BCOR: variants seen among roughly 807,000 people sequenced by gnomAD.
The protein encoded by BCOR is BCL-6 corepressor.
Under a neutral mutation model 86.7 loss-of-function variants are expected in BCOR, and 10 were observed. That is an observed-to-expected ratio of 0.12 (90% CI 0.07 to 0.20). The LOEUF is 0.20. BCOR is among the 10% of genes least tolerant of loss of function. BCOR has a pLI of 1.00. For synonymous variants in BCOR, 611 were observed against 609.0 expected, an observed-to-expected ratio of 1.00 and a Z score of -0.05; for missense variants, 1,259 against 1,452.1, an observed-to-expected ratio of 0.87 and a Z score of 2.16.
Position 40,097,452 on chromosome X carries a change from GCT to G in BCOR, c.-280_-279del, listed in dbSNP as rs1263071054. 2 of 105,436 alleles carry G rather than the reference GCT, an allele frequency of 1.9e-5. No individual in the cohort carries two copies. Among genetic ancestry groups the G allele is most frequent in the African/African-American group, 6.9e-5 (2 of 28,930 alleles). The allele number at this position is 105,436 out of a possible 1,213,427, so 8.7% of individuals were successfully genotyped here. On this transcript the variant is annotated 5_prime_UTR_variant, in exon 1 of 15. Coordinates refer to ENST00000378444, the MANE Select transcript of BCOR (RefSeq NM_001123385.2). ...GCCCGCAGCCCGCTCGCGGCGCCGC[GCT>G]CACTCGACTCCCTCGCCGTCTGCTG... is the stretch of plus-strand genomic sequence containing the variant.
At chrX:40,146,094 C>T (rs1455407943) in intron 1 of BCOR, among the ~76,000 whole-genome samples, 2 of 112,501 alleles carry the variant, frequency 1.8e-5, no homozygotes, top group African/African-American at 6.5e-5. Context: ...CGTCGCCCTT[C>T]CTCTTCCCCT....
intron 10 of BCOR, among the ~76,000 whole-genome samples, chrX:40,058,668 C>A (rs1934718873): frequency 8.9e-6 from 1 of 111,861 alleles, no homozygotes. Context: ...GTAACCCTGG[C>A]CGGTAACCCT....
At chrX:40,175,858 T>C (rs1224574445) in intron 1 of BCOR, among the ~76,000 whole-genome samples, 2 of 112,967 alleles carry the variant, frequency 1.8e-5, no homozygotes, top group Non-Finnish European at 3.8e-5. Flanking sequence ...GCAAGAAGAC[T>C]GTTCCGCGCC....
intron 1 of BCOR, among the ~76,000 whole-genome samples, chrX:40,111,108 C>T (rs887040174): frequency 1.8e-5 from 2 of 111,555 alleles, no homozygotes; most frequent in Non-Finnish European, 3.8e-5. Context: ...AGTGTCTGTC[C>T]ATCCATCCTG....
chrX:40,062,227 C>T lies in BCOR; in HGVS notation c.4340G>A (p.Arg1447His), dbSNP rs1602121659. ...SSSPQETTQS[R>H]PMPPEARRLI... ...TCTCCGTGCTTCCGGCGGCATAGGGCGAGACTGGGTGGTCTCCTGAGGGGA... is the reference window on the plus strand; with the variant it reads ...TCTCCGTGCTTCCGGCGGCATAGGGTGAGACTGGGTGGTCTCCTGAGGGGA... Residue 1447 changes from arginine to histidine, a missense_variant, in exon 10 of 15, where the codon CGC becomes CAC. Arg to His is a conservative substitution (Grantham distance 29). This residue lies in a region of BCOR where 47 missense variants were observed against 102.1 expected (regional missense o/e 0.46). Coordinates refer to ENST00000378444, the MANE Select transcript of BCOR (RefSeq NM_001123385.2). 8.3e-7 allele frequency: 1 copy of T among 1,210,461 alleles called. No homozygotes were observed. Among genetic ancestry groups the T allele is most frequent in the African/African-American group, 1.7e-5 (1 of 57,699 alleles).
chrX:40,079,716 G>A lies in BCOR; in HGVS notation c.-40-1747C>T, dbSNP rs777075171. Reference sequence around the variant, plus strand: ...TTGACTAGCCACAGCGCCCCCAAAGGACCGACTCGGCTGTTGGGGAAGGTT... The same window carrying A: ...TTGACTAGCCACAGCGCCCCCAAAGAACCGACTCGGCTGTTGGGGAAGGTT... On this transcript the variant is annotated intron_variant, in intron 1 of 14. Transcript: ENST00000378444. Among the ~76,000 whole-genome samples, 120 of 111,370 alleles carry A rather than the reference G, an allele frequency of 1.1e-3. 1 individual carries two copies. The highest frequency in any genetic ancestry group is 2.1e-3 in the Non-Finnish European group (113 of 53,115).
At position 40,066,069 on chromosome X, in the gene BCOR, A is replaced by G. The variant is rs1022220645; in HGVS notation, c.3239-1470T>C. 6.3e-5 allele frequency among the ~76,000 whole-genome samples: 7 copies of G among 110,813 alleles called. No homozygotes were observed. The South Asian group carries it at 1.2e-3, about 18-fold the overall frequency. On this transcript the variant is annotated intron_variant, in intron 6 of 14. Transcript: ENST00000378444. ...GATGGGGCTGCATCTATTCTTGCAA[A>G]GGAATGGTAGAATCTCCCCAACCGT...
chrX:40,073,966 C>T lies in BCOR; in HGVS notation c.1380G>A (p.Lys460=). Residue 460 remains lysine, a synonymous_variant, in exon 4 of 15, where the codon AAG becomes AAA. Coordinates refer to ENST00000378444, the MANE Select transcript of BCOR (RefSeq NM_001123385.2). ...TGTGAACCAGGACCGTGGGAGCCAT[C>T]TTTTTCATGTGGTCAGCTTTGGAAG... ...VDASKADHMK[K]MAPTVLVHSR... is the part of the protein sequence containing the mutation. 4 of 1,212,404 alleles carry T rather than the reference C, an allele frequency of 3.3e-6. No homozygotes were observed. The highest frequency in any genetic ancestry group is 4.5e-6 in the Non-Finnish European group (4 of 895,670).
chrX:40,090,068 T>G (rs1936532119), intron 1 of BCOR, among the ~76,000 whole-genome samples: 2 of 112,341 alleles, frequency 1.8e-5, no homozygotes, highest in South Asian at 7.4e-4. Context: ...GCCCCAGGCT[T>G]TCAGATGTTC....
chrX:40,172,442 A>C (rs1938646333), intron 1 of BCOR, among the ~76,000 whole-genome samples: 1 of 112,590 alleles, frequency 8.9e-6, no homozygotes, highest in East Asian at 2.8e-4. Context: ...CCCGACCCGG[A>C]CTCTTCCCTG....
intron 1 of BCOR, among the ~76,000 whole-genome samples, chrX:40,174,026 G>A (rs1394510276): frequency 1.8e-5 from 2 of 113,138 alleles, no homozygotes; most frequent in East Asian, 5.6e-4. Context: ...GGCAAAAAGG[G>A]GAGGAGTTGC....
At chrX:40,123,514 G>A (rs1018403989) in intron 1 of BCOR, among the ~76,000 whole-genome samples, 11 of 110,631 alleles carry the variant, frequency 9.9e-5, no homozygotes, top group Non-Finnish European at 1.7e-4. Flanking sequence ...CACCATGCCC[G>A]GCTAAGTTTT....
chrX:40,090,185 A>G (rs994012364), intron 1 of BCOR, among the ~76,000 whole-genome samples: 29 of 112,276 alleles, frequency 2.6e-4, no homozygotes, highest in African/African-American at 9.4e-4. Context: ...TGGACTGGTT[A>G]CTCCTCCAGA....
At chrX:40,105,300 G>A (rs1937155267) in intron 1 of BCOR, among the ~76,000 whole-genome samples, 1 of 111,291 alleles carries the variant, frequency 9.0e-6, no homozygotes, top group Admixed American at 9.3e-5. Context: ...CCGCGCGGCG[G>A]CAGCAGCCAG....
intron 1 of BCOR, among the ~76,000 whole-genome samples, chrX:40,147,750 G>C (rs1273405133): frequency 8.8e-6 from 1 of 113,233 alleles, no homozygotes; most frequent in Non-Finnish European, 1.9e-5. Context: ...CCCGAGTCCC[G>C]AAGCGGAGGC....
At chrX:40,059,720 C>T (rs1407116183) in intron 10 of BCOR, among the ~76,000 whole-genome samples, 1 of 113,320 alleles carries the variant, frequency 8.8e-6, no homozygotes, top group Non-Finnish European at 1.9e-5. Context: ...CTCTGTTAAG[C>T]AGCTATAAGC....
chrX:40,116,858 C>G (rs188085039), intron 1 of BCOR, among the ~76,000 whole-genome samples: 210 of 112,355 alleles, frequency 1.9e-3, no homozygotes, highest in African/African-American at 6.3e-3. Flanking sequence ...CTGTGAGAGG[C>G]CTTTTCTCTT....
Position 40,174,421 on chromosome X carries a change from C to T in BCOR, c.-41+2586G>A, listed in dbSNP as rs776696770. 8.9e-5 allele frequency among the ~76,000 whole-genome samples: 10 copies of T among 112,492 alleles called. No homozygotes were observed. In the South Asian group the frequency reaches 3.7e-3, roughly 41 times the overall value. ...CAGAATTCCAGTTCTCGAGCGCCAC[C>T]CGGAGAGTTCACATTTCCCCTCCTC... On this transcript the variant is annotated intron_variant, in intron 1 of 14. Coordinates refer to the BCOR transcript ENST00000342274.
At chrX:40,155,074 G>GGGGGAGGGGC (rs1555939827) in intron 1 of BCOR, among the ~76,000 whole-genome samples, 1 of 110,867 alleles carries the variant, frequency 9.0e-6, no homozygotes, top group Non-Finnish European at 1.9e-5. Context: ...GGAGGGGGTC[G>GGGGGAGGGGC]GGGGAGGGGC....
Sources: gnomAD v4.1 joint callset for allele counts (sites outside exome capture counted in the v4.1 genomes callset) on GRCh38, gnomAD v4.1.1 for gene constraint, gnomAD v4.1.1 regional missense constraint, MANE v1.5 for transcripts, NCBI Gene and HGNC (gene_info 2026-07-23, HGNC 2026-07-21) for gene names.